Variants in AFAP1 observed in about 807,000 individuals in gnomAD.
The protein encoded by AFAP1 is actin filament associated protein 1, also known as actin filament-associated protein 1.
Under a neutral mutation model 93.9 loss-of-function variants are expected in AFAP1, and 75 were observed. The observed-to-expected ratio is 0.80, with a 90% confidence interval of 0.66 to 0.97. AFAP1 has a LOEUF of 0.97. Among genes scored for constraint, AFAP1 ranks in the 50% least tolerant of loss-of-function variants. The probability of loss-of-function intolerance (pLI) is 0.00; values close to 1 mark genes in which losing one functional copy is unlikely to be tolerated. For missense variants in AFAP1, 1,201 were observed against 1,050.8 expected (o/e 1.14, Z -1.98); for synonymous variants, 517 against 430.7 (o/e 1.20, Z -2.48).
intron 17 of AFAP1, among the ~76,000 whole-genome samples, chr4:7,765,117 A>G (rs933393597): frequency 2.6e-5 from 4 of 152,064 alleles, no homozygotes; most frequent in Admixed American, 2.0e-4. Flanking sequence ...CAATCAATCA[A>G]TCGCTAAGGA....
chr4:7,785,220 C>A (rs964902367), intron 12 of AFAP1, among the ~76,000 whole-genome samples: 1 of 152,184 alleles, frequency 6.6e-6, no homozygotes, highest in Non-Finnish European at 1.5e-5. Context: ...CACCGTAGAA[C>A]CAGCACTTGA....
rs762810766 is a variant in AFAP1 at position 7,778,764 on chromosome 4, G to C, written c.1895C>G (p.Ser632Trp). The stretch of plus-strand genomic sequence containing the variant: ...AAGACATCCGATGGTATACTTACTC[G>C]AACCCGTCCTTTTCACAACAGCCGC... ...DPAAVVKRTG[S>W]NAAQYKYGKN... is the part of the protein sequence containing the mutation. The change falls in exon 14 of 18, where the codon TCG becomes TGG. Residue 632 changes from serine to tryptophan, a missense_variant and splice_region_variant. By Grantham distance (177) the Ser-to-Trp change is radical (BLOSUM62 -3). Coordinates refer to ENST00000420658, the MANE Select transcript of AFAP1 (RefSeq NM_001134647.2). 1.2e-6 allele frequency: 2 copies of C among 1,613,612 alleles called. No homozygotes were observed. Among genetic ancestry groups the C allele is most frequent in the Non-Finnish European group, 1.7e-6 (2 of 1,179,548 alleles).
At chr4:7,868,377 G>A (rs1716661659) in intron 3 of AFAP1, among the ~76,000 whole-genome samples, 1 of 152,266 alleles carries the variant, frequency 6.6e-6, no homozygotes, top group Non-Finnish European at 1.5e-5. Flanking sequence ...TCCTGCTATA[G>A]GTAATTTATG....
At chr4:7,771,303 G>C (rs1332213451) in intron 16 of AFAP1, among the ~76,000 whole-genome samples, 1 of 149,656 alleles carries the variant, frequency 6.7e-6, no homozygotes, top group Non-Finnish European at 1.5e-5. Flanking sequence ...AGGATCACCT[G>C]AGCCCAGGAG....
chr4:7,839,560 T>C (rs534035563), intron 5 of AFAP1, among the ~76,000 whole-genome samples: 5 of 152,298 alleles, frequency 3.3e-5, no homozygotes, highest in Admixed American at 6.5e-5. Flanking sequence ...GCCTATCTCA[T>C]CTTCTCTTTC....
intron 4 of AFAP1, among the ~76,000 whole-genome samples, chr4:7,852,599 C>T (rs1714573489): frequency 6.6e-6 from 1 of 152,024 alleles, no homozygotes; most frequent in Non-Finnish European, 1.5e-5. Flanking sequence ...AGGTCCAGAC[C>T]TTTCAAGAAA....
At chr4:7,778,476 G>A (rs1256194768) in intron 14 of AFAP1, 5 of 480,688 alleles carry the variant, frequency 1.0e-5, no homozygotes, top group South Asian at 6.2e-5. Flanking sequence ...AGGGCCACCC[G>A]GAGCTGCAAG....
chr4:7,785,729 G>T (rs1717196995), intron 12 of AFAP1, among the ~76,000 whole-genome samples: 1 of 152,162 alleles, frequency 6.6e-6, no homozygotes, highest in Non-Finnish European at 1.5e-5. Context: ...TTGAGCCCAG[G>T]AGTTCAAGAC....
rs766155041 is a variant in AFAP1, at chr4:7,774,825, A to G, written c.1976T>C (p.Leu659Pro). ...KRLQTKEEELLKRKEALRNRL... is the reference protein window; with the variant it reads ...KRLQTKEEELPKRKEALRNRL... ...ATTCCGCAGGGCCTCTTTCCTCTTC[A>G]GCAGCTCCTCCTCTTTGGTCTGTAG... The change falls in exon 15 of 18, where the codon CTG (leucine) becomes CCG (proline). Residue 659 changes from leucine to proline, a missense_variant. Physicochemically the swap from Leu to Pro is moderately conservative, Grantham distance 98. Coordinates refer to ENST00000420658, the MANE Select transcript of AFAP1 (RefSeq NM_001134647.2). 1.2e-6 allele frequency: 2 copies of G among 1,614,138 alleles called. No homozygotes were observed. The highest frequency in any genetic ancestry group is 1.7e-6 in the Non-Finnish European group (2 of 1,180,040).
At chr4:7,931,695 T>C (rs1721078143) in intron 1 of AFAP1, among the ~76,000 whole-genome samples, 1 of 152,026 alleles carries the variant, frequency 6.6e-6, no homozygotes, top group South Asian at 2.1e-4. Context: ...AGTGGTGTGT[T>C]CTAAAATTTT....
intron 3 of AFAP1, among the ~76,000 whole-genome samples, chr4:7,865,193 C>A (rs911013091): frequency 6.6e-6 from 1 of 152,178 alleles, no homozygotes. Flanking sequence ...ATGTGGCCCT[C>A]GGTCCTACAT....
At position 7,786,323 on chromosome 4, in the gene AFAP1, G is replaced by T; in HGVS notation, c.1413-12C>A. 1 of 1,605,766 alleles carries T rather than the reference G, an allele frequency of 6.2e-7. No individual in the cohort carries two copies. The highest frequency in any genetic ancestry group is 1.1e-5 in the South Asian group (1 of 90,882). On this transcript the variant is annotated splice_polypyrimidine_tract_variant and intron_variant, in intron 11 of 17. Transcript: ENST00000420658. ...GCCTGTTCATGAAACTGAAAGAAAG[G>T]AAATGCGTTAAAATCCATAACCTGA...
chr4:7,835,123 C>T (rs369133912), intron 6 of AFAP1, among the ~76,000 whole-genome samples: 5 of 44,480 alleles, frequency 1.1e-4, no homozygotes, highest in Non-Finnish European at 1.6e-4. Flanking sequence ...GGACTGCGGG[C>T]GGCCTTAAGG....
rs372572783 is a variant in AFAP1, at chr4:7,825,666, C to T, written c.727-6495G>A. 4.6e-5 allele frequency among the ~76,000 whole-genome samples: 7 copies of T among 151,848 alleles called. No homozygotes were observed. The East Asian group carries it at 5.8e-4, about 13-fold the overall frequency. On this transcript the variant is annotated intron_variant, in intron 6 of 17. Transcript: ENST00000420658. ...CTAAAAACTCAATTATCTAAGTGTA[C>T]GCTTCAGGAAGTTGCGATAATTACA...
At chr4:7,913,723 C>A (rs1199991388) in intron 1 of AFAP1, among the ~76,000 whole-genome samples, 3 of 152,130 alleles carry the variant, frequency 2.0e-5, no homozygotes, top group African/African-American at 7.2e-5. Context: ...TAAAGCAAGC[C>A]TAAAGTTTTA....
intron 3 of AFAP1, among the ~76,000 whole-genome samples, chr4:7,859,524 C>T (rs1715437414): frequency 6.6e-6 from 1 of 152,232 alleles, no homozygotes; most frequent in Middle Eastern, 3.4e-3. Flanking sequence ...TGATCTTCAC[C>T]CCTGCTGTGA....
chr4:7,883,354 C>T (rs576316366), intron 1 of AFAP1, among the ~76,000 whole-genome samples: 1 of 152,010 alleles, frequency 6.6e-6, no homozygotes, highest in South Asian at 2.1e-4. Context: ...TAAGTCAATA[C>T]ACTTGGAATT....
chr4:7,775,590 A>C (rs1036881298), intron 14 of AFAP1: 9 of 149,010 alleles, frequency 6.0e-5, no homozygotes, highest in Admixed American at 5.9e-4. Context: ...AGCACCCGGC[A>C]CGGAGTGTGG....
intron 1 of AFAP1, among the ~76,000 whole-genome samples, chr4:7,876,636 G>A (rs1033590850): frequency 2.0e-5 from 3 of 152,190 alleles, no homozygotes; most frequent in African/African-American, 4.8e-5. Flanking sequence ...CTCAGACGCC[G>A]ACCATGCTCC....
Sources: gnomAD v4.1 joint callset for allele counts (sites outside exome capture counted in the v4.1 genomes callset) on GRCh38, gnomAD v4.1.1 for gene constraint, MANE v1.5 for transcripts, NCBI Gene and HGNC (gene_info 2026-07-23, HGNC 2026-07-21) for gene names.